The following METTL9 variants were observed in gnomAD, a reference collection of about 807,000 sequenced individuals.
METTL9 encodes the protein protein-L-histidine N-pros-methyltransferase.
Under a neutral mutation model 36.0 loss-of-function variants are expected in METTL9, and 10 were observed. The ratio of observed to expected loss-of-function variants is 0.28; its 90% confidence interval spans 0.17 to 0.47. The LOEUF is 0.47. METTL9 is among the 20% of genes least tolerant of loss of function. The probability of loss-of-function intolerance (pLI) is 0.99; values close to 1 mark genes in which losing one functional copy is unlikely to be tolerated. For missense variants in METTL9, 246 were observed against 383.5 expected (o/e 0.64, Z 3.00); for synonymous variants, 175 against 149.7 (o/e 1.17, Z -1.23).
At chr16:21,605,630 A>G (rs1489034283) in intron 1 of METTL9, among the ~76,000 whole-genome samples, 2 of 152,066 alleles carry the variant, frequency 1.3e-5, no homozygotes, top group Non-Finnish European at 2.9e-5. Flanking sequence ...TGTGCACAAT[A>G]CTTGTTGAAG....
chr16:21,607,575 C>T (rs1457737915), intron 1 of METTL9, among the ~76,000 whole-genome samples: 2 of 152,140 alleles, frequency 1.3e-5, no homozygotes, highest in African/African-American at 4.8e-5. Context: ...CTGTTCTGTA[C>T]TTGGCATCAG....
At chr16:21,612,971 T>C in intron 2 of METTL9, 136 bp downstream of exon 2, 1 of 741,692 alleles carries the variant, frequency 1.3e-6, no homozygotes, top group Non-Finnish European at 2.1e-6. Flanking sequence ...ACCTTGGCAG[T>C]TGGTCCAGCG....
At chr16:21,636,576 G>T (rs899808173) in intron 4 of METTL9, among the ~76,000 whole-genome samples, 12 of 152,202 alleles carry the variant, frequency 7.9e-5, no homozygotes, top group African/African-American at 2.2e-4. Context: ...TGAGAGTTCT[G>T]CTCATGGCCG....
Position 21,612,665 on chromosome 16 carries a change from G to A in METTL9, c.186G>A (p.Glu62=). ...TTTAGTGGTATGTGTGCAACAGAGA[G>A]AAATTATGCGAATCACTCCAGGCTG... The part of the protein sequence containing the change: ...ENHQWYVCNR[E]KLCESLQAVF... Residue 62 remains glutamate, a synonymous_variant, in exon 2 of 5, where the codon GAG becomes GAA. Transcript: ENST00000358154. The A allele has an allele frequency of 3.3e-6, 5 of 1,518,228 alleles. No individual in the cohort carries two copies. Among genetic ancestry groups the A allele is most frequent in the Non-Finnish European group, 4.4e-6 (5 of 1,127,712 alleles). The allele number at this position is 1,518,228 out of a possible 1,614,324, so 94.0% of individuals were successfully genotyped here. A position where few individuals can be genotyped will look rare whatever the true frequency, so the allele number is the denominator to read the frequency against.
rs368887245 is a variant in METTL9, at chr16:21,618,378, T to C, written c.566+304T>C. ...TTTTTAAGTAGTGGTAAAATACACA[T>C]AGCATAGAATTTACTGTTGTAACTA... On this transcript the variant is annotated intron_variant, in intron 3 of 4. Coordinates refer to ENST00000358154, the MANE Select transcript of METTL9 (RefSeq NM_016025.5). Among the ~76,000 whole-genome samples the C allele has an allele frequency of 2.0e-5, 3 of 152,282 alleles. No homozygotes were observed. The East Asian group carries it at 5.8e-4, about 29-fold the overall frequency.
In METTL9 at chr16:21,644,307, A is replaced by T. The variant is rs797004510; in HGVS notation, c.752-10920A>T. ...TGACTTACTTTGGAGAGGAGTATGA[A>T]GGCCACGCACACACCGGTCACATAG... On this transcript the variant is annotated intron_variant, in intron 4 of 4. Transcript: ENST00000358154. 2.5e-6 allele frequency: 4 copies of T among 1,612,482 alleles called. No homozygotes were observed. In the African/African-American group the frequency reaches 5.3e-5, roughly 21 times the overall value.
At chr16:21,610,599 C>T (rs372111159) in intron 1 of METTL9, among the ~76,000 whole-genome samples, 17 of 152,304 alleles carry the variant, frequency 1.1e-4, no homozygotes, top group African/African-American at 3.8e-4. Flanking sequence ...AAGGGTTCAA[C>T]CACACGTGTT....
intron 2 of METTL9, among the ~76,000 whole-genome samples, chr16:21,616,679 T>G (rs1025498851): frequency 3.3e-5 from 5 of 152,216 alleles, no homozygotes; most frequent in African/African-American, 9.6e-5. Context: ...TAAACTGACA[T>G]AAGTACGAAT....
Position 21,631,833 on chromosome 16 carries a change from T to C in METTL9, c.751+6718T>C, listed in dbSNP as rs935424011. Among the ~76,000 whole-genome samples the C allele has an allele frequency of 1.8e-4, 27 of 152,210 alleles. 1 individual carries two copies. Among genetic ancestry groups the C allele is most frequent in the Non-Finnish European group, 1.5e-5 (1 of 68,040 alleles). On this transcript the variant is annotated intron_variant, in intron 4 of 4. Coordinates refer to ENST00000358154, the MANE Select transcript of METTL9 (RefSeq NM_016025.5). ...TACAGAGAAGACCTTCAATTATCAATTATAGGTTTTAACTTTACCCTGGCT... is the reference window on the plus strand; with the variant it reads ...TACAGAGAAGACCTTCAATTATCAACTATAGGTTTTAACTTTACCCTGGCT...
In METTL9 at chr16:21,612,692, C is replaced by G. The variant is rs1397685076; in HGVS notation, c.213C>G (p.Val71=). Residue 71 remains valine, a synonymous_variant, in exon 2 of 5, where the codon GTC becomes GTG. Transcript: ENST00000358154. ...AATTATGCGAATCACTCCAGGCTGT[C>G]TTTGTTCAGAGTTACCTTGATCAAG... ...REKLCESLQA[V]FVQSYLDQGT... 5.0e-6 allele frequency: 8 copies of G among 1,586,700 alleles called. No homozygotes were observed. The highest frequency in any genetic ancestry group is 6.8e-6 in the Non-Finnish European group (8 of 1,170,136).
Position 21,599,969 on chromosome 16 carries a change from T to TGCGGGACGGCTCCGCGAGGGG in METTL9, c.165+76_165+96dup. 1.7e-6 allele frequency: 2 copies of TGCGGGACGGCTCCGCGAGGGG among 1,200,868 alleles called. No homozygotes were observed. The highest frequency in any genetic ancestry group is 2.1e-6 in the Non-Finnish European group (2 of 963,352). The allele number at this position is 1,200,868 out of a possible 1,614,324, so 74.4% of individuals were successfully genotyped here. A position where few individuals can be genotyped will look rare whatever the true frequency, so the allele number is the denominator to read the frequency against. ...CTTCCCGCGCTGGGCCCGGCTATTG[T>TGCGGGACGGCTCCGCGAGGGG]GCGGGACGGCTCCGCGAGGGGGCGG... On this transcript the variant is annotated intron_variant, in intron 1 of 4. Transcript: ENST00000358154. This position sits in a 1 kb window ranked among gnomAD's most constrained non-coding sequence, Gnocchi z 4.4.
At chr16:21,604,378 T>C (rs1026650556) in intron 1 of METTL9, among the ~76,000 whole-genome samples, 1 of 152,148 alleles carries the variant, frequency 6.6e-6, no homozygotes, top group African/African-American at 2.4e-5. Flanking sequence ...AAAGCTCTGT[T>C]GTGTAGACCC....
At chr16:21,649,735 C>A (rs909158314) in intron 4 of METTL9, among the ~76,000 whole-genome samples, 1 of 152,076 alleles carries the variant, frequency 6.6e-6, no homozygotes, top group African/African-American at 2.4e-5. Flanking sequence ...GATAGGGTCC[C>A]ACTGTGTCGC....
chr16:21,607,925 G>A (rs1455178025), intron 1 of METTL9, among the ~76,000 whole-genome samples: 1 of 152,192 alleles, frequency 6.6e-6, no homozygotes, highest in Admixed American at 6.5e-5. Flanking sequence ...GAGGCAGGCA[G>A]ATCACCTGAG....
At chr16:21,649,319 A>G (rs183386926) in intron 4 of METTL9, among the ~76,000 whole-genome samples, 1 of 152,066 alleles carries the variant, frequency 6.6e-6, no homozygotes, top group Non-Finnish European at 1.5e-5. Flanking sequence ...ATATTTTAGT[A>G]TTTGTGCAAC....
In METTL9 at chr16:21,652,441, T is replaced by C. The variant is rs1966601268; in HGVS notation, c.752-2786T>C. 8 of 981,896 alleles carry C rather than the reference T, an allele frequency of 8.1e-6. No individual in the cohort carries two copies. The East Asian group carries it at 2.0e-4, about 25-fold the overall frequency. 60.8% of individuals were successfully genotyped at this position (981,896 alleles called of 1,614,324 possible). On this transcript the variant is annotated intron_variant, in intron 4 of 4. Transcript: ENST00000358154. ...TTCATAATGTTATACATTTAAAAATTAATCTGAAGGAGCTTAAAATATAAA... is the reference window on the plus strand; with the variant it reads ...TTCATAATGTTATACATTTAAAAATCAATCTGAAGGAGCTTAAAATATAAA...
chr16:21,634,035 A>G (rs912600516), intron 4 of METTL9, among the ~76,000 whole-genome samples: 2 of 152,166 alleles, frequency 1.3e-5, no homozygotes, highest in African/African-American at 2.4e-5. Context: ...CTCCCTAATA[A>G]GGATGTGGGA....
intron 4 of METTL9, among the ~76,000 whole-genome samples, chr16:21,626,205 A>G (rs1965811081): frequency 6.6e-6 from 1 of 152,174 alleles, no homozygotes; most frequent in African/African-American, 2.4e-5. Flanking sequence ...TCCCTGGCTG[A>G]AAAATCTTCA....
Position 21,599,845 on chromosome 16 carries a change from AGCGGCCCGGGTGGGCCGGCG to A in METTL9, c.119_138del (p.Pro40ArgfsTer32), listed in dbSNP as rs764084257. On this transcript the variant is annotated frameshift_variant, in exon 1 of 5. Coordinates refer to ENST00000358154, the MANE Select transcript of METTL9 (RefSeq NM_016025.5). LOFTEE classifies it high-confidence loss of function. The surrounding 1 kb of genome is among the most constrained non-coding windows in gnomAD (Gnocchi z 4.4). Reference sequence around the variant, plus strand: ...CCGCTCCCTGTACGTGAACATGACTAGCGGCCCGGGTGGGCCGGCGGCGGCCGCGGGCGGCAGGAAGGAGA... The same window carrying A: ...CCGCTCCCTGTACGTGAACATGACTAGCGGCCGCGGGCGGCAGGAAGGAGA... 7 of 1,520,988 alleles carry A rather than the reference AGCGGCCCGGGTGGGCCGGCG, an allele frequency of 4.6e-6. No individual in the cohort carries two copies. The African/African-American group carries it at 1.0e-4, about 22-fold the overall frequency. The allele number at this position is 1,520,988 out of a possible 1,614,324, so 94.2% of individuals were successfully genotyped here. A position where few individuals can be genotyped will look rare whatever the true frequency, so the allele number is the denominator to read the frequency against.
Sources: gnomAD v4.1 joint callset for allele counts (sites outside exome capture counted in the v4.1 genomes callset) on GRCh38, gnomAD v4.1.1 for gene constraint, Gnocchi (gnomAD v3.1) non-coding constraint, MANE v1.5 for transcripts, NCBI Gene and HGNC (gene_info 2026-07-23, HGNC 2026-07-21) for gene names.